SLC24A2: variants seen among roughly 807,000 people sequenced by gnomAD.
SLC24A2 encodes solute carrier family 24 member 2.
Under a neutral mutation model 62.0 loss-of-function variants are expected in SLC24A2, and 36 were observed. The observed-to-expected ratio is 0.58, with a 90% confidence interval of 0.44 to 0.77. The LOEUF is 0.77. Among genes scored for constraint, SLC24A2 ranks in the 30% least tolerant of loss-of-function variants. The pLI is 0.00. For synonymous variants in SLC24A2, 358 were observed against 294.0 expected, an observed-to-expected ratio of 1.22 and a Z score of -2.23; for missense variants, 846 against 817.9, an observed-to-expected ratio of 1.03 and a Z score of -0.42.
At chr9:19,559,088 A>C (rs1391079361) in intron 7 of SLC24A2, among the ~76,000 whole-genome samples, 1 of 152,234 alleles carries the variant, frequency 6.6e-6, no homozygotes, top group African/African-American at 2.4e-5. Context: ...CCAGGAAGGC[A>C]CTTACAAGAG....
At chr9:19,543,581 T>A (rs1834391822) in intron 8 of SLC24A2, among the ~76,000 whole-genome samples, 1 of 152,160 alleles carries the variant, frequency 6.6e-6, no homozygotes, top group South Asian at 2.1e-4. Flanking sequence ...TGCTATAAAT[T>A]TCCCTCTACA....
chr9:19,667,400 C>T (rs749995876), intron 2 of SLC24A2, among the ~76,000 whole-genome samples: 10 of 152,154 alleles, frequency 6.6e-5, no homozygotes, highest in Non-Finnish European at 1.5e-4. Flanking sequence ...TGATATTGTC[C>T]CGAACACTTT....
At chr9:20,031,228 C>A in the SLC24A2 span, among the ~76,000 whole-genome samples, 778 of 149,112 alleles carry the variant, frequency 5.2e-3, 5 homozygotes, top group African/African-American at 0.018. Flanking sequence ...ACACACACAC[C>A]CTGTGTGTGT....
chr9:19,835,214 C>T, the SLC24A2 span, among the ~76,000 whole-genome samples: 1 of 152,154 alleles, frequency 6.6e-6, no homozygotes, highest in Non-Finnish European at 1.5e-5. Context: ...GGATCAAATT[C>T]ACACATAACA....
At chr9:19,681,576 C>G (rs1819724145) in intron 2 of SLC24A2, among the ~76,000 whole-genome samples, 1 of 152,152 alleles carries the variant, frequency 6.6e-6, no homozygotes, top group Non-Finnish European at 1.5e-5. Context: ...AGAAAGCAAA[C>G]CACCCACGGT....
intron 2 of SLC24A2, among the ~76,000 whole-genome samples, chr9:19,685,110 C>T (rs1226291923): frequency 6.6e-6 from 1 of 151,992 alleles, no homozygotes; most frequent in East Asian, 1.9e-4. Context: ...TTTCTAAACA[C>T]CAACAATGTC....
At chr9:20,061,314 T>C in the SLC24A2 span, among the ~76,000 whole-genome samples, 4 of 151,744 alleles carry the variant, frequency 2.6e-5, no homozygotes, top group African/African-American at 9.7e-5. Context: ...AGACAGAGTC[T>C]CACTCTGTTG....
intron 5 of SLC24A2, among the ~76,000 whole-genome samples, chr9:19,581,040 G>A (rs1001875998): frequency 4.6e-5 from 7 of 152,136 alleles, no homozygotes; most frequent in Non-Finnish European, 8.8e-5. Flanking sequence ...AGGAAAAAGA[G>A]AATCAAACAG....
intron 2 of SLC24A2, among the ~76,000 whole-genome samples, chr9:19,709,373 A>AATACCATT (rs1564055423): frequency 6.6e-6 from 1 of 152,224 alleles, no homozygotes; most frequent in Non-Finnish European, 1.5e-5. Flanking sequence ...TAGAACAAGA[A>AATACCATT]ATACCATTTG....
the SLC24A2 span, among the ~76,000 whole-genome samples, chr9:19,823,254 A>G: frequency 6.6e-6 from 1 of 152,044 alleles, no homozygotes; most frequent in Non-Finnish European, 1.5e-5. Context: ...AGAATAGTGC[A>G]AAGAATTTAT....
chr9:19,513,188 A>ATATATG lies in SLC24A2; in HGVS notation c.*2964_*2965insCATATA, dbSNP rs1231507740. 1.4e-4 allele frequency: 19 copies of ATATATG among 140,420 alleles called. No homozygotes were observed. Among genetic ancestry groups the ATATATG allele is most frequent in the African/African-American group, 2.7e-4 (10 of 37,210 alleles). The allele number at this position is 140,420 out of a possible 1,614,324, so 8.7% of individuals were successfully genotyped here. The stretch of plus-strand genomic sequence containing the variant: ...TATATATATATATGTATATATATAT[A>ATATATG]TATGTATATATTTATATATGTATAT... On this transcript the variant is annotated 3_prime_UTR_variant, in exon 11 of 11. Transcript: ENST00000341998.
intron 2 of SLC24A2, among the ~76,000 whole-genome samples, chr9:19,759,861 C>T (rs1024467897): frequency 3.3e-5 from 5 of 152,162 alleles, no homozygotes; most frequent in Non-Finnish European, 5.9e-5. Context: ...TGAGGCCCAT[C>T]AAACTCCATA....
chr9:20,046,600 G>T, the SLC24A2 span, among the ~76,000 whole-genome samples: 3 of 152,248 alleles, frequency 2.0e-5, no homozygotes, highest in Middle Eastern at 3.4e-3. Flanking sequence ...ATGTGTTCGG[G>T]GGGCAGTAAA....
intron 4 of SLC24A2, among the ~76,000 whole-genome samples, chr9:19,611,935 G>C (rs541039086): frequency 2.6e-5 from 4 of 152,128 alleles, no homozygotes; most frequent in Non-Finnish European, 5.9e-5. Flanking sequence ...TGAGAGGTGG[G>C]GGGAACAGAG....
Position 19,623,605 on chromosome 9 carries a change from C to G in SLC24A2, c.931-1306G>C, listed in dbSNP as rs151108170. ...AAGTTAGGATTAGCATGCTCAAAAT[C>G]TTGCAAAGTGAAAAAATCAAATCTA... On this transcript the variant is annotated intron_variant, in intron 2 of 10. Transcript: ENST00000341998. Among the ~76,000 whole-genome samples, 59 of 152,302 alleles carry G rather than the reference C, an allele frequency of 3.9e-4. 2 individuals are homozygous for G. In the East Asian group the frequency reaches 0.011, roughly 28 times the overall value.
At chr9:19,900,872 G>C in the SLC24A2 span, among the ~76,000 whole-genome samples, 533 of 152,270 alleles carry the variant, frequency 3.5e-3, 1 homozygote, top group Non-Finnish European at 5.2e-3. Flanking sequence ...AGGAGAGAAA[G>C]GAATGGAAAA....
the SLC24A2 span, among the ~76,000 whole-genome samples, chr9:19,827,514 A>AT: frequency 9.5e-4 from 144 of 151,276 alleles, no homozygotes; most frequent in East Asian, 5.2e-3. Flanking sequence ...ATATATATAT[A>AT]AAAATTAGCT....
chr9:20,266,617 TAAACAA>T, the SLC24A2 span, among the ~76,000 whole-genome samples: 2 of 152,192 alleles, frequency 1.3e-5, no homozygotes, highest in Non-Finnish European at 2.9e-5. Context: ...CACAAAATTA[TAAACAA>T]TGGCATCCCA....
At chr9:19,711,400 G>A (rs1009630910) in intron 2 of SLC24A2, among the ~76,000 whole-genome samples, 10 of 152,178 alleles carry the variant, frequency 6.6e-5, no homozygotes, top group African/African-American at 2.2e-4. Context: ...TAATGCTTAA[G>A]AGTGTAAAAG....
Sources: gnomAD v4.1 joint callset for allele counts (sites outside exome capture counted in the v4.1 genomes callset) on GRCh38, gnomAD v4.1.1 for gene constraint, MANE v1.5 for transcripts, NCBI Gene and HGNC (gene_info 2026-07-23, HGNC 2026-07-21) for gene names.